Variants in CCDC171 observed in about 807,000 individuals in gnomAD.
CCDC171 encodes the protein coiled-coil domain containing 171, also known as coiled-coil domain-containing protein 171.
In CCDC171, 177 loss-of-function variants were observed where a neutral mutation model predicts 168.2. The ratio of observed to expected loss-of-function variants is 1.05; its 90% CI spans 0.93 to 1.19. The LOEUF is 1.19. Ranked by LOEUF, CCDC171 falls within the 50% of genes most tolerant of loss-of-function variation. CCDC171 has a pLI of 0.00. For missense variants in CCDC171, 1,991 were observed against 1,539.0 expected (o/e 1.29, Z -4.91); for synonymous variants, 687 against 540.8 (o/e 1.27, Z -3.75).
At chr9:16,040,727 G>A (rs1833558633), upstream of CCDC171, among the ~76,000 whole-genome samples, 1 of 152,156 alleles carries the variant, frequency 6.6e-6, no homozygotes, top group Non-Finnish European at 1.5e-5. Flanking sequence ...GAATCCCAGG[G>A]TGTATTTTAC....
chr9:15,595,508 A>G (rs1000681662), intron 6 of CCDC171, among the ~76,000 whole-genome samples: 3 of 152,134 alleles, frequency 2.0e-5, no homozygotes, highest in Non-Finnish European at 2.9e-5. Context: ...ATAGTATTCC[A>G]TGGTGTATAT....
rs79205448 is a variant in CCDC171, at chr9:15,589,365, A to G, written c.353-2001A>G. The stretch of plus-strand genomic sequence containing the variant: ...ATCAGGCAATCTGGACTTTCCAATG[A>G]CACCACTGAGATGGCACTCCTCAAA... On this transcript the variant is annotated intron_variant, in intron 4 of 25. Transcript: ENST00000380701. 3.8e-3 allele frequency among the ~76,000 whole-genome samples: 582 copies of G among 152,280 alleles called. 1 individual carries two copies. The highest frequency in any genetic ancestry group is 0.014 in the African/African-American group (565 of 41,562).
At chr9:16,067,879 T>C in the CCDC171 span, among the ~76,000 whole-genome samples, 1 of 152,192 alleles carries the variant, frequency 6.6e-6, no homozygotes, top group Non-Finnish European at 1.5e-5. Flanking sequence ...TGTAGTATAG[T>C]TTGAAGTCAG....
At position 15,874,647 on chromosome 9, in the gene CCDC171, A is replaced by AGGT; in HGVS notation, c.3588_3590dup (p.Val1197dup). ...ATGGAGGGGCTCAAGGGCGGGCCAG[A>AGGT]GGTGGTAGCATGCCAGGTTAGAGTC... On this transcript the variant is annotated inframe_insertion, in exon 24 of 26. Coordinates refer to ENST00000380701, the MANE Select transcript of CCDC171 (RefSeq NM_173550.4). The AGGT allele has an allele frequency of 6.3e-7, 1 of 1,584,896 alleles. No homozygotes were observed. The highest frequency in any genetic ancestry group is 8.6e-7 in the Non-Finnish European group (1 of 1,165,502).
At chr9:15,838,551 G>C (rs2060545660) in intron 21 of CCDC171, among the ~76,000 whole-genome samples, 1 of 152,154 alleles carries the variant, frequency 6.6e-6, no homozygotes, top group Non-Finnish European at 1.5e-5. Flanking sequence ...CTTCCACAAA[G>C]TTCATAGAAA....
At chr9:15,781,358 A>T (rs1325862779) in intron 20 of CCDC171, among the ~76,000 whole-genome samples, 1 of 152,196 alleles carries the variant, frequency 6.6e-6, no homozygotes, top group Non-Finnish European at 1.5e-5. Context: ...AGTATGTTTG[A>T]GGAAGTGCAG....
At chr9:15,952,693 G>A (rs758224943) in intron 25 of CCDC171, among the ~76,000 whole-genome samples, 17 of 152,090 alleles carry the variant, frequency 1.1e-4, no homozygotes, top group African/African-American at 1.9e-4. Flanking sequence ...CACCGCGCGC[G>A]GCCAGATTTT....
At chr9:16,073,438 G>A in the CCDC171 span, among the ~76,000 whole-genome samples, 11 of 152,146 alleles carry the variant, frequency 7.2e-5, no homozygotes, top group Admixed American at 7.2e-4. Flanking sequence ...CTTGTTACGT[G>A]GATGTAAAAT....
chr9:16,086,594 C>A, the CCDC171 span, among the ~76,000 whole-genome samples: 1 of 152,002 alleles, frequency 6.6e-6, no homozygotes, highest in Non-Finnish European at 1.5e-5. Context: ...CTATTTGATT[C>A]TTCTCTCTTT....
intron 11 of CCDC171, among the ~76,000 whole-genome samples, chr9:15,700,161 G>C (rs1396594260): frequency 6.6e-6 from 1 of 152,222 alleles, no homozygotes; most frequent in Non-Finnish European, 1.5e-5. Flanking sequence ...AGGCATGGCG[G>C]GCTGCAGGTG....
At chr9:16,054,903 C>T (rs534934389) in intron 1 of CCDC171, among the ~76,000 whole-genome samples, 5 of 152,284 alleles carry the variant, frequency 3.3e-5, no homozygotes, top group South Asian at 2.1e-4. Flanking sequence ...TATCCAAACA[C>T]GCAGGGCGGG....
intron 14 of CCDC171, among the ~76,000 whole-genome samples, chr9:15,726,999 T>G (rs1026530996): frequency 2.6e-5 from 4 of 152,202 alleles, no homozygotes; most frequent in African/African-American, 9.6e-5. Context: ...AAATGTGATC[T>G]GCTTTATATG....
chr9:15,729,866 T>C (rs560824004), intron 16 of CCDC171, 68 bp downstream of exon 16: 3 of 1,313,838 alleles, frequency 2.3e-6, no homozygotes, highest in Non-Finnish European at 2.1e-6. Flanking sequence ...ACTTTTTTTT[T>C]TTCAGTAGCA....
chr9:15,745,636 G>A lies in CCDC171; in HGVS notation c.2671+5G>A. The A allele has an allele frequency of 6.6e-7, 1 of 1,524,712 alleles. No individual in the cohort carries two copies. The allele number at this position is 1,524,712 out of a possible 1,614,324, so 94.4% of individuals were successfully genotyped here. ...AAGACGTCATTGGTAAAGCAGGTAT[G>A]GTTCCTTCTTTTATGTCCTTGCAAA... On this transcript the variant is annotated splice_donor_5th_base_variant and intron_variant, in intron 18 of 25. Transcript: ENST00000380701.
At chr9:15,835,337 C>A (rs1229398716) in intron 21 of CCDC171, among the ~76,000 whole-genome samples, 2 of 152,178 alleles carry the variant, frequency 1.3e-5, no homozygotes, top group African/African-American at 4.8e-5. Context: ...TACTAGAGCA[C>A]ATTAAAAATC....
intron 4 of CCDC171, among the ~76,000 whole-genome samples, chr9:15,588,188 T>C (rs535035875): frequency 9.9e-5 from 15 of 152,218 alleles, no homozygotes; most frequent in African/African-American, 3.1e-4. Flanking sequence ...TGAGCCGAGA[T>C]TGCGCCACTG....
intron 11 of CCDC171, among the ~76,000 whole-genome samples, chr9:15,720,506 G>T (rs1053007877): frequency 3.9e-5 from 6 of 152,092 alleles, no homozygotes; most frequent in Non-Finnish European, 7.4e-5. Context: ...TAATATGAAT[G>T]CTGCTCTTAA....
intron 23 of CCDC171, among the ~76,000 whole-genome samples, chr9:15,858,726 A>T (rs1048952616): frequency 6.6e-6 from 1 of 152,082 alleles, no homozygotes; most frequent in African/African-American, 2.4e-5. Context: ...ATCTTAATTC[A>T]TAACAATCTA....
chr9:15,809,250 T>C (rs1263684642), intron 21 of CCDC171, among the ~76,000 whole-genome samples: 1 of 152,214 alleles, frequency 6.6e-6, no homozygotes, highest in East Asian at 1.9e-4. Context: ...ATGAATAGTA[T>C]TTTCAATGTA....
Sources: allele counts gnomAD v4.1 joint callset (sites outside exome capture counted in the v4.1 genomes callset), GRCh38; gene constraint gnomAD v4.1.1; transcripts MANE v1.5; gene names NCBI Gene and HGNC (gene_info 2026-07-23, HGNC 2026-07-21).